Variants in EML3 observed in about 807,000 individuals in gnomAD.
EML3 encodes EMAP like 3.
In EML3, 53 loss-of-function variants were observed where a neutral mutation model predicts 106.7. The ratio of observed to expected loss-of-function variants is 0.50; its 90% CI spans 0.40 to 0.62. The LOEUF (loss-of-function observed/expected upper bound fraction) is 0.62. EML3 is among the 20% of genes least tolerant of loss of function. The pLI is 0.00. For missense variants in EML3, 994 were observed against 1,209.1 expected (o/e 0.82, Z 2.64); for synonymous variants, 499 against 489.6 (o/e 1.02, Z -0.25).
At chr11:62,609,257 G>C in intron 6 of EML3, 97 bp downstream of exon 6, 1 of 1,546,870 alleles carries the variant, frequency 6.5e-7, no homozygotes, top group Non-Finnish European at 8.7e-7. Context: ...GATCTAGAAG[G>C]CTCCTTGTCC....
In EML3 at chr11:62,608,941, C is replaced by T. The variant is rs202006939; in HGVS notation, c.929+21G>A. 53 of 1,611,208 alleles carry T rather than the reference C, an allele frequency of 3.3e-5. No homozygotes were observed. The Admixed American group carries it at 7.2e-4, about 22-fold the overall frequency. ...CCCCAGACCCTCTTCCTGCCAAGCC[C>T]ACCAGCCCCGGACTCCTCACCATCG... On this transcript the variant is annotated intron_variant, in intron 7 of 21. Transcript: ENST00000394773.
At chr11:62,603,861 C>T in intron 18 of EML3, 45 bp from the exon 19 acceptor site, 3 of 1,612,410 alleles carry the variant, frequency 1.9e-6, no homozygotes, top group Non-Finnish European at 2.5e-6. Context: ...ATCCATTTCC[C>T]ATCCCCAGAG....
In EML3 at chr11:62,612,547, C is replaced by T. The variant is rs1590766757; in HGVS notation, c.-90G>A. The T allele has an allele frequency of 7.9e-7, 1 of 1,266,200 alleles. No homozygotes were observed. The highest frequency in any genetic ancestry group is 3.2e-5 in the East Asian group (1 of 30,998). The allele number at this position is 1,266,200 out of a possible 1,614,324, so 78.4% of individuals were successfully genotyped here. ...CGGGGAGAGGGGAAGGGGAAGCACC[C>T]CGGGGCGCGCGCGAAGGGCGCCGTA... On this transcript the variant is annotated 5_prime_UTR_variant, in exon 1 of 22. Coordinates refer to ENST00000394773, the MANE Select transcript of EML3 (RefSeq NM_153265.3).
rs1265177758 is a variant in EML3 at position 62,611,132 on chromosome 11, G to C, written c.407C>G (p.Pro136Arg). The C allele has an allele frequency of 1.9e-6, 3 of 1,598,426 alleles. No homozygotes were observed. In the African/African-American group the frequency reaches 4.0e-5, roughly 21 times the overall value. ...CTGCAAGGGCCTGAGGATCCCCGGG[G>C]GGCCAGGGGAGCCAGCACCACTGCT... ...SSSSGAGSPG[P>R]PGILRPLQPP... The change falls in exon 3 of 22, where the codon CCC (proline) becomes CGC (arginine). Residue 136 changes from proline (P) to arginine (R), a missense_variant. Pro to Arg is a moderately radical substitution (Grantham distance 103, BLOSUM62 -2). Coordinates refer to ENST00000394773, the MANE Select transcript of EML3 (RefSeq NM_153265.3).
rs2134394479 is a variant in EML3, at chr11:62,609,679, G to A, written c.584C>T (p.Pro195Leu). The change falls in exon 5 of 22, where the codon CCC (proline) becomes CTC (leucine). Residue 195 changes from proline (P) to leucine (L), a missense_variant. Pro to Leu is a moderately conservative substitution (Grantham distance 98, BLOSUM62 -3). Coordinates refer to ENST00000394773, the MANE Select transcript of EML3 (RefSeq NM_153265.3). ...TCCAGGGCCCCCAGGGCTGGAGAGG[G>A]GGTCTTTTCCCCCACGGCTGTTGGG... The part of the protein sequence containing the change: ...GSTESRGGKD[P>L]LSSPGGPGSR... 1 of 1,605,230 alleles carries A rather than the reference G, an allele frequency of 6.2e-7. No individual in the cohort carries two copies. Among genetic ancestry groups the A allele is most frequent in the Non-Finnish European group, 8.5e-7 (1 of 1,176,102 alleles).
chr11:62,609,569 G>C, intron 5 of EML3, 60 bp downstream of exon 5: 1 of 1,566,954 alleles, frequency 6.4e-7, no homozygotes, highest in Non-Finnish European at 8.6e-7. Context: ...AGCTCCTGGG[G>C]CTACAGCCCA....
chr11:62,609,576 C>T (rs968321616), intron 5 of EML3, 53 bp downstream of exon 5: 2 of 1,579,148 alleles, frequency 1.3e-6, no homozygotes, highest in Non-Finnish European at 1.7e-6. Context: ...GGGGCTACAG[C>T]CCAAATCCTA....
intron 12 of EML3, 137 bp from the exon 13 acceptor site, chr11:62,606,351 C>CA: frequency 1.0e-6 from 1 of 979,236 alleles, no homozygotes; most frequent in Non-Finnish European, 1.5e-6. Flanking sequence ...CTCATACTGC[C>CA]AACACATCTG....
In EML3 at chr11:62,605,929, C is replaced by G; in HGVS notation, c.1708G>C (p.Glu570Gln). 2 of 1,614,222 alleles carry G rather than the reference C, an allele frequency of 1.2e-6. No homozygotes were observed. The highest frequency in any genetic ancestry group is 1.1e-5 in the South Asian group (1 of 91,084). Reference protein sequence around the residue: ...VRAIAEGLGSELLVGTTKNAL... With the variant: ...VRAIAEGLGSQLLVGTTKNAL... The stretch of plus-strand genomic sequence containing the variant: ...TTCTTCGTGGTTCCCACCAGCAGCT[C>G]AGAGCCAAGCCCTTCAGCAATGGCT... Residue 570 changes from glutamate to glutamine, a missense_variant, in exon 14 of 22, where the codon GAG (glutamate) becomes CAG (glutamine). Physicochemically the swap from Glu to Gln is conservative, Grantham distance 29. Around this residue, in one of 3 missense-constraint regions of EML3, gnomAD observed 713 missense variants for 920.5 expected, o/e 0.77. Coordinates refer to ENST00000394773, the MANE Select transcript of EML3 (RefSeq NM_153265.3). The surrounding 1 kb of genome is among the most constrained non-coding windows in gnomAD (Gnocchi z 5.2).
In EML3 at chr11:62,611,315, G is replaced by A. The variant is rs1942808568; in HGVS notation, c.224C>T (p.Thr75Met). Reference protein sequence around the residue: ...SLAAPPGLPPTCTPSLVSRGT... With the variant: ...SLAAPPGLPPMCTPSLVSRGT... ...TCGGCTCACCAAGGAAGGGGTGCAC[G>A]TGGGTGGCAGTCCTGGGGGGGCTGC... The change falls in exon 3 of 22, where the codon ACG becomes ATG. Residue 75 changes from threonine to methionine, a missense_variant. By Grantham distance (81) the Thr-to-Met change is moderately conservative. Transcript: ENST00000394773. 1.9e-6 allele frequency: 3 copies of A among 1,613,022 alleles called. No homozygotes were observed. Among genetic ancestry groups the A allele is most frequent in the African/African-American group, 1.3e-5 (1 of 75,022 alleles).
chr11:62,610,815 A>T, intron 4 of EML3, 64 bp downstream of exon 4: 1 of 1,373,170 alleles, frequency 7.3e-7, no homozygotes, highest in Non-Finnish European at 1.0e-6. Flanking sequence ...ATGTGAGGTG[A>T]GGGATATGGA....
chr11:62,611,398 A>T, intron 2 of EML3, 27 bp downstream of exon 2: 1 of 1,613,520 alleles, frequency 6.2e-7, no homozygotes, highest in Non-Finnish European at 8.5e-7. Flanking sequence ...AAGGAGGAGG[A>T]AAAATGGGGT....
At chr11:62,607,157 C>G (rs754119994) in intron 11 of EML3, 58 bp from the exon 12 acceptor site, 1 of 1,586,566 alleles carries the variant, frequency 6.3e-7, no homozygotes, top group Non-Finnish European at 8.6e-7. Flanking sequence ...GATTAAAAGT[C>G]GCAGGGCAGG....
In EML3 at chr11:62,604,809, G is replaced by A. The variant is rs568043116; in HGVS notation, c.1982+304C>T. On this transcript the variant is annotated intron_variant, in intron 16 of 21. Coordinates refer to ENST00000394773, the MANE Select transcript of EML3 (RefSeq NM_153265.3). Reference sequence around the variant, plus strand: ...CGACTACAAAGGCACTGTGCAAGCTGGAAGCCTGTCACTTCCCTGTGTTTG... The same window carrying A: ...CGACTACAAAGGCACTGTGCAAGCTAGAAGCCTGTCACTTCCCTGTGTTTG... 74 of 254,080 alleles carry A rather than the reference G, an allele frequency of 2.9e-4. 1 individual carries two copies. The South Asian group carries it at 4.9e-3, about 17-fold the overall frequency. The allele number at this position is 254,080 out of a possible 1,614,324, so 15.7% of individuals were successfully genotyped here.
In EML3 at chr11:62,605,732, G is replaced by A; in HGVS notation, c.1824C>T (p.Ser608=). 5 of 1,600,676 alleles carry A rather than the reference G, an allele frequency of 3.1e-6. No homozygotes were observed. Among genetic ancestry groups the A allele is most frequent in the Admixed American group, 1.7e-5 (1 of 58,994 alleles). The part of the protein sequence containing the change: ...DELWGLCTHP[S]QNRFLTCGHD... ...GGCCGCAGGTGAGGAAGCGGTTCTG[G>A]GAGGGGTGTGTGCAGAGCCCCCAGA... Residue 608 remains serine, a synonymous_variant, in exon 15 of 22, where the codon TCC becomes TCT. Transcript: ENST00000394773. This position sits in a 1 kb window ranked among gnomAD's most constrained non-coding sequence, Gnocchi z 5.2.
intron 4 of EML3, 136 bp from the exon 5 acceptor site, chr11:62,609,832 C>G (rs1375431144): frequency 5.6e-6 from 4 of 708,764 alleles, no homozygotes; most frequent in Non-Finnish European, 9.4e-6. Flanking sequence ...TCGTGAGTAT[C>G]AGGGCCCTAG....
intron 7 of EML3, 55 bp from the exon 8 acceptor site, chr11:62,608,860 A>G (rs1278741642): frequency 1.3e-6 from 2 of 1,572,098 alleles, no homozygotes; most frequent in Non-Finnish European, 1.7e-6. Context: ...CATCCAAGAC[A>G]CCTTCTCCAA....
intron 16 of EML3, chr11:62,604,588 G>C (rs940491757): frequency 1.5e-5 from 4 of 258,812 alleles, no homozygotes; most frequent in African/African-American, 8.9e-5. Flanking sequence ...ATGTTGGCCA[G>C]GCTGGTCTTG....
intron 12 of EML3, 130 bp from the exon 13 acceptor site, chr11:62,606,344 A>C: frequency 9.5e-7 from 1 of 1,047,678 alleles, no homozygotes; most frequent in Non-Finnish European, 1.4e-6. Context: ...TCTCATCCTC[A>C]TACTGCCAAC....
Sources: allele counts gnomAD v4.1 joint callset, GRCh38; gene constraint gnomAD v4.1.1; regional missense constraint gnomAD v4.1.1; non-coding constraint Gnocchi (gnomAD v3.1); transcripts MANE v1.5; gene names NCBI Gene and HGNC (gene_info 2026-07-23, HGNC 2026-07-21).